ADAMTSL3: variants seen among roughly 807,000 people sequenced by gnomAD.
ADAMTSL3 encodes the protein ADAMTS-like protein 3.
In ADAMTSL3, 128 loss-of-function variants were observed where a neutral mutation model predicts 201.7. That is an observed-to-expected ratio of 0.63 (90% CI 0.55 to 0.73). The LOEUF (loss-of-function observed/expected upper bound fraction) is 0.73. ADAMTSL3 is among the 30% of genes least tolerant of loss of function. ADAMTSL3 has a pLI of 0.00. For synonymous variants in ADAMTSL3, 738 were observed against 748.4 expected, an observed-to-expected ratio of 0.99 and a Z score of 0.23; for missense variants, 1,990 against 2,119.6, an observed-to-expected ratio of 0.94 and a Z score of 1.20.
rs111641603 is a variant in ADAMTSL3, at chr15:83,693,117, A to G, written c.70-11272A>G. On this transcript the variant is annotated intron_variant, in intron 2 of 29. Transcript: ENST00000286744. ...TTTGCTACTGAATTAACACAAATGC[A>G]TGCGTGAGAATATACACAGATTTGT... 2.0e-3 allele frequency among the ~76,000 whole-genome samples: 307 copies of G among 152,068 alleles called. 1 individual carries two copies. Among genetic ancestry groups the G allele is most frequent in the Non-Finnish European group, 2.2e-3 (150 of 67,990 alleles).
At chr15:83,937,649 T>A (rs2066483999) in intron 17 of ADAMTSL3, among the ~76,000 whole-genome samples, 1 of 150,982 alleles carries the variant, frequency 6.6e-6, no homozygotes, top group African/African-American at 2.5e-5. Context: ...CACATGTACC[T>A]AAAATAAAAT....
At chr15:83,766,709 C>T (rs976894516) in intron 3 of ADAMTSL3, among the ~76,000 whole-genome samples, 1 of 152,152 alleles carries the variant, frequency 6.6e-6, no homozygotes, top group South Asian at 2.1e-4. Flanking sequence ...AGACAGAAAG[C>T]GCTTCTGCCT....
chr15:83,700,438 A>G (rs2061756271), intron 2 of ADAMTSL3, among the ~76,000 whole-genome samples: 1 of 152,248 alleles, frequency 6.6e-6, no homozygotes, highest in South Asian at 2.1e-4. Context: ...AGTTTGACCT[A>G]GATGACTTCT....
At chr15:83,889,960 C>T (rs928760351) in intron 10 of ADAMTSL3, 149 bp from the exon 11 acceptor site, 8 of 722,790 alleles carry the variant, frequency 1.1e-5, no homozygotes, top group African/African-American at 5.4e-5. Flanking sequence ...ATTAAAAGCT[C>T]CCATGTGGTT....
chr15:83,939,963 T>G (rs2066526433), intron 17 of ADAMTSL3, among the ~76,000 whole-genome samples: 1 of 152,182 alleles, frequency 6.6e-6, no homozygotes, highest in Non-Finnish European at 1.5e-5. Flanking sequence ...ATTCATTTTA[T>G]TCTCATGTTT....
At chr15:83,992,423 T>C (rs2067597864) in intron 23 of ADAMTSL3, among the ~76,000 whole-genome samples, 1 of 152,140 alleles carries the variant, frequency 6.6e-6, no homozygotes, top group Non-Finnish European at 1.5e-5. Context: ...CACCCACAAA[T>C]ATGTGAGTTT....
chr15:83,967,748 A>G (rs1464148084), intron 19 of ADAMTSL3, among the ~76,000 whole-genome samples: 2 of 152,216 alleles, frequency 1.3e-5, no homozygotes, highest in East Asian at 3.8e-4. Flanking sequence ...AAAAAGAACA[A>G]AGCTGGAGGC....
chr15:83,902,204 C>T (rs2065739030), intron 15 of ADAMTSL3, among the ~76,000 whole-genome samples: 1 of 152,166 alleles, frequency 6.6e-6, no homozygotes, highest in Non-Finnish European at 1.5e-5. Context: ...TCCTGAATTG[C>T]TTCCCTCAAA....
intron 19 of ADAMTSL3, among the ~76,000 whole-genome samples, chr15:83,954,679 G>A (rs550165594): frequency 1.3e-5 from 2 of 152,256 alleles, no homozygotes; most frequent in South Asian, 4.1e-4. Flanking sequence ...GTATTCAAAG[G>A]GACTTGGGCC....
intron 25 of ADAMTSL3, among the ~76,000 whole-genome samples, chr15:84,018,437 C>CAGATGCACAAGAAACCAGTA: frequency 6.6e-6 from 1 of 152,018 alleles, no homozygotes; most frequent in East Asian, 1.9e-4. Context: ...AACCAGTAAA[C>CAGATGCACAAGAAACCAGTA]AAATAAGTAT....
chr15:84,015,467 G>A (rs2068074147), intron 24 of ADAMTSL3, among the ~76,000 whole-genome samples: 1 of 152,194 alleles, frequency 6.6e-6, no homozygotes, highest in South Asian at 2.1e-4. Flanking sequence ...ATTTTGATGA[G>A]CGTTAATTCT....
intron 27 of ADAMTSL3, among the ~76,000 whole-genome samples, chr15:84,027,900 A>G (rs1192049507): frequency 6.6e-6 from 1 of 152,188 alleles, no homozygotes; most frequent in Non-Finnish European, 1.5e-5. Flanking sequence ...GCACAATTGA[A>G]TATTTGACCA....
chr15:84,027,737 A>G (rs1420538643), intron 27 of ADAMTSL3, among the ~76,000 whole-genome samples: 2 of 152,132 alleles, frequency 1.3e-5, no homozygotes, highest in African/African-American at 2.4e-5. Context: ...GAAATGGAAC[A>G]TATGTCCACA....
At chr15:83,742,576 C>G (rs2062474269) in intron 3 of ADAMTSL3, among the ~76,000 whole-genome samples, 1 of 152,074 alleles carries the variant, frequency 6.6e-6, no homozygotes. Flanking sequence ...TTAGTTCTAC[C>G]AAGAAAGAAA....
intron 12 of ADAMTSL3, among the ~76,000 whole-genome samples, chr15:83,892,245 A>G (rs1406249940): frequency 1.4e-5 from 2 of 147,574 alleles, no homozygotes; most frequent in Non-Finnish European, 3.0e-5. Context: ...TTAAAATTTA[A>G]AAAAGGCTGG....
chr15:83,680,465 C>G (rs886749200), intron 2 of ADAMTSL3, among the ~76,000 whole-genome samples: 2 of 148,708 alleles, frequency 1.3e-5, no homozygotes, highest in African/African-American at 4.9e-5. Context: ...GATACTTTTA[C>G]TAAGATATGA....
At chr15:83,905,839 G>A (rs1331142039) in intron 15 of ADAMTSL3, among the ~76,000 whole-genome samples, 1 of 152,038 alleles carries the variant, frequency 6.6e-6, no homozygotes, top group Non-Finnish European at 1.5e-5. Context: ...TCTCTCGCCA[G>A]CAGCAGTACT....
chr15:83,891,132 G>C, intron 11 of ADAMTSL3, 197 bp from the exon 12 acceptor site: 3 of 522,328 alleles, frequency 5.7e-6, no homozygotes. Flanking sequence ...ATAGAACTGG[G>C]GAATTTGTGT....
intron 19 of ADAMTSL3, among the ~76,000 whole-genome samples, chr15:83,968,017 T>C (rs2067121636): frequency 6.6e-6 from 1 of 152,170 alleles, no homozygotes; most frequent in African/African-American, 2.4e-5. Flanking sequence ...CCTTACACCT[T>C]ATACAAAAAT....
Sources: gnomAD v4.1 joint callset for allele counts (sites outside exome capture counted in the v4.1 genomes callset) on GRCh38, gnomAD v4.1.1 for gene constraint, MANE v1.5 for transcripts, NCBI Gene and HGNC (gene_info 2026-07-23, HGNC 2026-07-21) for gene names.